MSRA: variants seen among roughly 807,000 people sequenced by gnomAD.
MSRA encodes mitochondrial peptide methionine sulfoxide reductase.
A neutral mutation model predicts 31.3 loss-of-function variants in MSRA; 54 were observed. The observed-to-expected ratio is 1.73, with a 90% CI of 1.39 to 2.17. The LOEUF (loss-of-function observed/expected upper bound fraction) is 2.17, where lower values mean the gene tolerates loss of function less well. MSRA is among the 30% of genes most tolerant of loss of function. The pLI is 0.00. For synonymous variants in MSRA, 169 were observed against 116.5 expected, an observed-to-expected ratio of 1.45 and a Z score of -2.90; for missense variants, 507 against 300.9, an observed-to-expected ratio of 1.69 and a Z score of -5.07.
At chr8:10,326,490 G>A (rs1216185803) in intron 5 of MSRA, 1 of 152,170 alleles carries the variant, frequency 6.6e-6, no homozygotes, top group Non-Finnish European at 1.5e-5. Flanking sequence ...AAAGACTTAA[G>A]GAGGAGGATG....
intron 1 of MSRA, among the ~76,000 whole-genome samples, chr8:10,183,863 T>G (rs1015985950): frequency 4.6e-5 from 7 of 150,758 alleles, no homozygotes; most frequent in African/African-American, 1.7e-4. Flanking sequence ...TTGACAGTAG[T>G]GTTGTTGGTT....
intron 1 of MSRA, among the ~76,000 whole-genome samples, chr8:10,131,730 C>G (rs1036656191): frequency 3.3e-5 from 5 of 152,160 alleles, no homozygotes; most frequent in Non-Finnish European, 7.3e-5. Flanking sequence ...TGGCCAGTGT[C>G]CACCCTGCAG....
chr8:10,135,929 C>G (rs181874446), intron 1 of MSRA, among the ~76,000 whole-genome samples: 6 of 152,262 alleles, frequency 3.9e-5, no homozygotes, highest in Admixed American at 2.0e-4. Flanking sequence ...AATCACAGAA[C>G]TGAAGATCCA....
intron 5 of MSRA, among the ~76,000 whole-genome samples, chr8:10,367,865 A>T (rs1805257805): frequency 6.6e-6 from 1 of 152,162 alleles, no homozygotes. Context: ...TTTGCCTGAG[A>T]AGCCCAAGTG....
intron 2 of MSRA, among the ~76,000 whole-genome samples, chr8:10,222,054 G>A (rs1489071103): frequency 6.8e-6 from 1 of 147,294 alleles, no homozygotes; most frequent in Non-Finnish European, 1.5e-5. Context: ...GAAGTCTAGA[G>A]GGTTTAAGGC....
At chr8:10,214,797 A>T in intron 2 of MSRA, among the ~76,000 whole-genome samples, 1 of 152,342 alleles carries the variant, frequency 6.6e-6, no homozygotes, top group African/African-American at 2.4e-5. Flanking sequence ...TGAGGGGGCA[A>T]TGGTCATTGG....
chr8:10,261,272 T>A (rs1332277903), intron 3 of MSRA, among the ~76,000 whole-genome samples: 1 of 152,142 alleles, frequency 6.6e-6, no homozygotes, highest in Non-Finnish European at 1.5e-5. Flanking sequence ...TAATTCTTTT[T>A]TAAAGCTTTA....
At position 10,256,680 on chromosome 8, in the gene MSRA, G is replaced by A. The variant is rs568140241; in HGVS notation, c.331+11457G>A. Reference sequence around the variant, plus strand: ...GGGTGGCTGGTGAAAACTTCCAACAGTACTTTTCTCTCTCCAGAGTGTAAG... The same window carrying A: ...GGGTGGCTGGTGAAAACTTCCAACAATACTTTTCTCTCTCCAGAGTGTAAG... On this transcript the variant is annotated intron_variant, in intron 3 of 5. Coordinates refer to ENST00000317173, the MANE Select transcript of MSRA (RefSeq NM_012331.5). Among the ~76,000 whole-genome samples the A allele has an allele frequency of 4.3e-4, 65 of 152,290 alleles. No individual in the cohort carries two copies. The South Asian group carries it at 0.013, about 30-fold the overall frequency.
At position 10,198,093 on chromosome 8, in the gene MSRA, C is replaced by G. The variant is rs529249674; in HGVS notation, c.143-9740C>G. On this transcript the variant is annotated intron_variant, in intron 1 of 5. Transcript: ENST00000317173. ...ATATACCCGATAGGGGCTAACTTTC[C>G]TTTTTTCAAGCGTTGCTTTCAGTTT... Among the ~76,000 whole-genome samples the G allele has an allele frequency of 3.9e-5, 6 of 152,118 alleles. No individual in the cohort carries two copies. In the South Asian group the frequency reaches 1.2e-3, roughly 32 times the overall value.
intron 5 of MSRA, among the ~76,000 whole-genome samples, chr8:10,388,449 C>T (rs981222119): frequency 6.6e-6 from 1 of 152,190 alleles, no homozygotes; most frequent in African/African-American, 2.4e-5. Flanking sequence ...CCTGTGTCTG[C>T]AGTTTCTCAA....
intron 1 of MSRA, among the ~76,000 whole-genome samples, chr8:10,148,238 T>C (rs577184088): frequency 6.6e-6 from 1 of 152,258 alleles, no homozygotes; most frequent in East Asian, 1.9e-4. Flanking sequence ...TTCAGAAGTA[T>C]GTTAAAATGT....
At chr8:10,386,863 T>G (rs1806423482) in intron 5 of MSRA, among the ~76,000 whole-genome samples, 4 of 125,466 alleles carry the variant, frequency 3.2e-5, no homozygotes, top group African/African-American at 5.8e-5. Flanking sequence ...TTCTTCAGAG[T>G]GGATTATTTA....
chr8:10,401,890 C>T (rs1807489123), intron 5 of MSRA, among the ~76,000 whole-genome samples: 1 of 151,958 alleles, frequency 6.6e-6, no homozygotes, highest in Non-Finnish European at 1.5e-5. Context: ...ATAGAGGTTC[C>T]CAGGGGCTGA....
chr8:10,330,078 T>C (rs1357002322), intron 5 of MSRA, among the ~76,000 whole-genome samples: 1 of 148,174 alleles, frequency 6.7e-6, no homozygotes, highest in African/African-American at 2.5e-5. Context: ...GCAAGAGTGG[T>C]CTAGCACTCT....
intron 2 of MSRA, among the ~76,000 whole-genome samples, chr8:10,212,825 A>G (rs1273759372): frequency 6.6e-6 from 1 of 152,142 alleles, no homozygotes; most frequent in East Asian, 1.9e-4. Context: ...TTTGTTTTGG[A>G]ACACTGAAAC....
chr8:10,120,750 G>T (rs1420636168), intron 1 of MSRA, among the ~76,000 whole-genome samples: 1 of 152,124 alleles, frequency 6.6e-6, no homozygotes, highest in Non-Finnish European at 1.5e-5. Context: ...ACCTGCCCTT[G>T]CAGACTCACT....
At chr8:10,121,369 T>G (rs1801095708) in intron 1 of MSRA, among the ~76,000 whole-genome samples, 1 of 152,170 alleles carries the variant, frequency 6.6e-6, no homozygotes, top group Admixed American at 6.5e-5. Flanking sequence ...CTGGAGATTG[T>G]GATTTTTGTC....
At position 10,382,589 on chromosome 8, in the gene MSRA, C is replaced by G. The variant is rs542586367; in HGVS notation, c.544-45559C>G. On this transcript the variant is annotated intron_variant, in intron 5 of 5. Coordinates refer to ENST00000317173, the MANE Select transcript of MSRA (RefSeq NM_012331.5). ...TTGTAAAGGTGGTGCCAGGAGAGGG[C>G]TTTGCCAAGGCATCTCATGAAAACC... Among the ~76,000 whole-genome samples, 4 of 152,326 alleles carry G rather than the reference C, an allele frequency of 2.6e-5. No individual in the cohort carries two copies. The South Asian group carries it at 8.3e-4, about 32-fold the overall frequency.
intron 1 of MSRA, among the ~76,000 whole-genome samples, chr8:10,100,478 T>C (rs568478455): frequency 6.6e-6 from 1 of 152,052 alleles, no homozygotes; most frequent in South Asian, 2.1e-4. Flanking sequence ...AGGTCAAAGG[T>C]CTGTGGCCAG....
Sources: allele counts gnomAD v4.1 joint callset (sites outside exome capture counted in the v4.1 genomes callset), GRCh38; gene constraint gnomAD v4.1.1; transcripts MANE v1.5; gene names NCBI Gene and HGNC (gene_info 2026-07-23, HGNC 2026-07-21).